EIF4G3: variants seen among roughly 807,000 people sequenced by gnomAD.
EIF4G3 encodes eIF-4-gamma 3.
Under a neutral mutation model 186.4 loss-of-function variants are expected in EIF4G3, and 34 were observed. The observed-to-expected ratio is 0.18, with a 90% CI of 0.14 to 0.24. The LOEUF is 0.24. EIF4G3 is among the 10% of genes least tolerant of loss of function. The pLI, the probability that EIF4G3 is intolerant of heterozygous loss-of-function variation, is 1.00. For missense variants in EIF4G3, 1,536 were observed against 1,948.5 expected, an observed-to-expected ratio of 0.79 and a Z score of 3.99; for synonymous variants, 673 against 679.5, an observed-to-expected ratio of 0.99 and a Z score of 0.15.
At chr1:20,961,482 A>G (rs1364194196) in intron 12 of EIF4G3, among the ~76,000 whole-genome samples, 2 of 152,154 alleles carry the variant, frequency 1.3e-5, no homozygotes, top group African/African-American at 2.4e-5. Flanking sequence ...AAAGATAAAT[A>G]TTTGTCTTTT....
intron 15 of EIF4G3, 24 bp from the exon 16 acceptor site, chr1:20,899,967 GTTACAT>G (rs1359946992): frequency 6.3e-7 from 1 of 1,589,538 alleles, no homozygotes; most frequent in South Asian, 1.2e-5. Flanking sequence ...GAACAAAGAG[GTTACAT>G]TTTTTTCCAC....
At chr1:20,850,206 G>C (rs1189735304) in intron 28 of EIF4G3, among the ~76,000 whole-genome samples, 1 of 152,182 alleles carries the variant, frequency 6.6e-6, no homozygotes, top group East Asian at 1.9e-4. Flanking sequence ...CAGGGATCAA[G>C]GGCCTCACAT....
chr1:21,102,146 G>A (rs1452981897), intron 2 of EIF4G3, among the ~76,000 whole-genome samples: 1 of 152,096 alleles, frequency 6.6e-6, no homozygotes, highest in Non-Finnish European at 1.5e-5. Flanking sequence ...AAAGGAAATA[G>A]TTTTAAAAAT....
intron 4 of EIF4G3, among the ~76,000 whole-genome samples, chr1:21,029,348 C>G (rs6659152): frequency 0.37 from 56,161 of 151,690 alleles, 11,016 homozygotes; most frequent in Non-Finnish European, 0.43. Flanking sequence ...TTAGACTCCA[C>G]GAACACAGGT....
chr1:20,808,174 G>T (rs894211975), intron 36 of EIF4G3, among the ~76,000 whole-genome samples: 1 of 151,534 alleles, frequency 6.6e-6, no homozygotes, highest in East Asian at 2.0e-4. Flanking sequence ...GTGAGCCACC[G>T]TGCCCGGCCC....
intron 2 of EIF4G3, among the ~76,000 whole-genome samples, chr1:21,173,824 T>G (rs536273765): frequency 1.3e-5 from 2 of 152,340 alleles, no homozygotes; most frequent in South Asian, 4.1e-4. Context: ...CCAAGATGCT[T>G]AAATGTTATC....
intron 36 of EIF4G3, among the ~76,000 whole-genome samples, chr1:20,808,277 ACTTT>A (rs1413317767): frequency 6.6e-6 from 1 of 152,014 alleles, no homozygotes; most frequent in African/African-American, 2.4e-5. Context: ...GTAGTTTTTT[ACTTT>A]CTTTTTACTA....
chr1:21,035,285 G>A (rs948066921), intron 4 of EIF4G3, among the ~76,000 whole-genome samples: 1 of 152,230 alleles, frequency 6.6e-6, no homozygotes, highest in Non-Finnish European at 1.5e-5. Context: ...AAGACACAGA[G>A]AAGGAGCACA....
At chr1:20,996,551 GC>G (rs1413706555) in intron 7 of EIF4G3, among the ~76,000 whole-genome samples, 7 of 152,106 alleles carry the variant, frequency 4.6e-5, no homozygotes, top group Non-Finnish European at 7.4e-5. Flanking sequence ...ATCACTGGAA[GC>G]CTTCAACTAA....
At chr1:20,834,597 T>C (rs1256262690) in intron 30 of EIF4G3, among the ~76,000 whole-genome samples, 1 of 152,158 alleles carries the variant, frequency 6.6e-6, no homozygotes, top group Non-Finnish European at 1.5e-5. Context: ...GCTATACTTA[T>C]ATGAGACAAA....
intron 3 of EIF4G3, among the ~76,000 whole-genome samples, chr1:21,057,060 G>A (rs1334587276): frequency 6.6e-6 from 1 of 152,120 alleles, no homozygotes; most frequent in Non-Finnish European, 1.5e-5. Context: ...TCTCTTGCTG[G>A]TAGAAATGTA....
chr1:20,933,561 AG>A (rs1166809641), intron 14 of EIF4G3, among the ~76,000 whole-genome samples: 1 of 152,060 alleles, frequency 6.6e-6, no homozygotes, highest in African/African-American at 2.4e-5. Flanking sequence ...GGGCTGAGGG[AG>A]GAGAATCACT....
At chr1:21,061,641 TA>T (rs1472323689) in intron 3 of EIF4G3, among the ~76,000 whole-genome samples, 1 of 151,920 alleles carries the variant, frequency 6.6e-6, no homozygotes, top group African/African-American at 2.4e-5. Flanking sequence ...AAGGCAAAGC[TA>T]AAATTTATTT....
At chr1:20,969,691 C>T in intron 11 of EIF4G3, 95 bp from the exon 12 acceptor site, 7 of 1,188,070 alleles carry the variant, frequency 5.9e-6, no homozygotes, top group Non-Finnish European at 8.3e-6. Context: ...ACTGGGAAAC[C>T]TGTCAAATAT....
At chr1:20,869,306 A>ATTTTTTTTTTTTTTTTTTTTTT (rs954573350) in intron 20 of EIF4G3, among the ~76,000 whole-genome samples, 1 of 97,396 alleles carries the variant, frequency 1.0e-5, no homozygotes. Flanking sequence ...TTACTTTAAA[A>ATTTTTTTTTTTTTTTTTTTTTT]TTTTTTTTTT....
intron 2 of EIF4G3, among the ~76,000 whole-genome samples, chr1:21,161,194 A>G (rs1018180406): frequency 6.6e-6 from 1 of 151,474 alleles, no homozygotes; most frequent in African/African-American, 2.4e-5. Flanking sequence ...TTCCTCTTTG[A>G]CTGAGCGTTG....
At chr1:20,967,253 C>G (rs555555682) in intron 12 of EIF4G3, among the ~76,000 whole-genome samples, 1 of 152,170 alleles carries the variant, frequency 6.6e-6, no homozygotes, top group South Asian at 2.1e-4. Flanking sequence ...AGAATTTAAA[C>G]AGAAATCAAC....
chr1:20,895,645 A>C (rs2087713844), intron 16 of EIF4G3, 144 bp from the exon 17 acceptor site: 1 of 872,402 alleles, frequency 1.1e-6, no homozygotes. Context: ...TGAAGCTGAA[A>C]GGTTCCTATT....
At chr1:21,062,118 G>A (rs2094949227) in intron 3 of EIF4G3, among the ~76,000 whole-genome samples, 1 of 151,908 alleles carries the variant, frequency 6.6e-6, no homozygotes. Context: ...AAGCATAGTA[G>A]TGCGATCATA....
Sources: allele counts gnomAD v4.1 joint callset (sites outside exome capture counted in the v4.1 genomes callset), GRCh38; gene constraint gnomAD v4.1.1; transcripts MANE v1.5; gene names NCBI Gene and HGNC (gene_info 2026-07-23, HGNC 2026-07-21).